The following RSPO3 variants were observed in gnomAD, a reference collection of about 807,000 sequenced individuals.
RSPO3 encodes R-spondin 3.
RSPO3 carries 17 observed loss-of-function variants against 36.5 expected under a neutral mutation model. That is an observed-to-expected ratio of 0.47 (90% CI 0.32 to 0.70). The LOEUF is 0.70. RSPO3 is among the 30% of genes least tolerant of loss of function. The pLI, the probability that RSPO3 is intolerant of heterozygous loss-of-function variation, is 0.04. For synonymous variants in RSPO3, 108 were observed against 107.0 expected, an observed-to-expected ratio of 1.01 and a Z score of -0.06; for missense variants, 294 against 322.5, an observed-to-expected ratio of 0.91 and a Z score of 0.68.
chr6:127,172,104 A>G (rs971746626), intron 4 of RSPO3, among the ~76,000 whole-genome samples: 1 of 142,322 alleles, frequency 7.0e-6, no homozygotes, highest in African/African-American at 2.6e-5. Flanking sequence ...TTAATTCATC[A>G]TATTACATAT....
At chr6:127,174,888 T>C (rs1296136619) in intron 4 of RSPO3, among the ~76,000 whole-genome samples, 28 of 151,836 alleles carry the variant, frequency 1.8e-4, no homozygotes, top group East Asian at 5.9e-4. Flanking sequence ...AAAGAGTGTT[T>C]AGGTTGATGA....
intron 1 of RSPO3, among the ~76,000 whole-genome samples, chr6:127,126,602 A>C (rs1190955636): frequency 6.6e-6 from 1 of 151,992 alleles, no homozygotes; most frequent in Non-Finnish European, 1.5e-5. Context: ...TCATAAGGAG[A>C]CCTGAAAAAC....
At chr6:127,157,792 CTA>C (rs962009316) in intron 4 of RSPO3, among the ~76,000 whole-genome samples, 1 of 151,604 alleles carries the variant, frequency 6.6e-6, no homozygotes, top group Non-Finnish European at 1.5e-5. Context: ...CTTAAGTAGC[CTA>C]TAAACTACAG....
chr6:127,178,935 A>G (rs1775124082), intron 4 of RSPO3, among the ~76,000 whole-genome samples: 3 of 151,876 alleles, frequency 2.0e-5, no homozygotes, highest in Admixed American at 2.0e-4. Context: ...AGGAGAGAAA[A>G]CATGGGAATA....
intron 1 of RSPO3, among the ~76,000 whole-genome samples, chr6:127,129,590 G>C (rs1029471356): frequency 6.6e-6 from 1 of 152,106 alleles, no homozygotes; most frequent in African/African-American, 2.4e-5. Flanking sequence ...TAAGGATGGA[G>C]AGCAATCATG....
intron 4 of RSPO3, among the ~76,000 whole-genome samples, chr6:127,175,219 G>A (rs1435633747): frequency 1.3e-5 from 2 of 151,568 alleles, no homozygotes; most frequent in African/African-American, 2.4e-5. Flanking sequence ...CCTTTTGTCT[G>A]TCTTAAGTTG....
intron 4 of RSPO3, among the ~76,000 whole-genome samples, chr6:127,195,149 A>T (rs937718997): frequency 2.6e-5 from 4 of 152,116 alleles, no homozygotes; most frequent in African/African-American, 7.2e-5. Context: ...GTACCTTAAA[A>T]ATATGAGCCA....
chr6:127,121,347 T>C (rs1470324152), intron 1 of RSPO3, among the ~76,000 whole-genome samples: 1 of 151,898 alleles, frequency 6.6e-6, no homozygotes, highest in African/African-American at 2.4e-5. Flanking sequence ...CCGAGAGGAG[T>C]CAAAAGGCAA....
intron 4 of RSPO3, among the ~76,000 whole-genome samples, chr6:127,170,723 C>G (rs1218960469): frequency 6.6e-6 from 1 of 151,588 alleles, no homozygotes; most frequent in Non-Finnish European, 1.5e-5. Flanking sequence ...TTCTAACTCA[C>G]GCCACAGCAT....
intron 3 of RSPO3, among the ~76,000 whole-genome samples, chr6:127,154,531 A>G (rs2114591230): frequency 6.6e-6 from 1 of 152,306 alleles, no homozygotes; most frequent in Non-Finnish European, 1.5e-5. Context: ...CAGAATTCAC[A>G]TATAATAGAT....
chr6:127,129,828 A>G (rs766867988), intron 1 of RSPO3, among the ~76,000 whole-genome samples: 24 of 152,048 alleles, frequency 1.6e-4, no homozygotes, highest in Non-Finnish European at 2.9e-4. Flanking sequence ...CTGAGTAGAT[A>G]AAGAACTCAA....
chr6:127,144,229 T>C (rs890833795), intron 1 of RSPO3, among the ~76,000 whole-genome samples: 11 of 152,192 alleles, frequency 7.2e-5, no homozygotes, highest in African/African-American at 2.7e-4. Context: ...ATGTGACACA[T>C]TTTTAGTAGA....
chr6:127,124,564 T>G (rs1412446786), intron 1 of RSPO3, among the ~76,000 whole-genome samples: 1 of 40,396 alleles, frequency 2.5e-5, no homozygotes, highest in African/African-American at 1.1e-4. Context: ...ATTGCACAGT[T>G]TTTTTTTTTG....
chr6:127,138,678 A>G (rs924114493), intron 1 of RSPO3, among the ~76,000 whole-genome samples: 1 of 152,160 alleles, frequency 6.6e-6, no homozygotes, highest in Non-Finnish European at 1.5e-5. Flanking sequence ...CTGGTGTTAC[A>G]GATGAGGAAA....
At chr6:127,160,268 G>T (rs975235820) in intron 4 of RSPO3, among the ~76,000 whole-genome samples, 1 of 152,144 alleles carries the variant, frequency 6.6e-6, no homozygotes, top group Non-Finnish European at 1.5e-5. Flanking sequence ...TTTACAATTT[G>T]TATATACTAC....
intron 2 of RSPO3, among the ~76,000 whole-genome samples, chr6:127,149,806 C>A (rs1774454487): frequency 6.6e-6 from 1 of 152,060 alleles, no homozygotes; most frequent in African/African-American, 2.4e-5. Flanking sequence ...ATACCAATGA[C>A]TACCTCATTG....
chr6:127,169,509 C>A (rs1774894758), intron 4 of RSPO3, among the ~76,000 whole-genome samples: 1 of 151,820 alleles, frequency 6.6e-6, no homozygotes, highest in South Asian at 2.1e-4. Flanking sequence ...AGAACTAATT[C>A]TAGATTTCTT....
chr6:127,140,084 A>G (rs1191671998), intron 1 of RSPO3, among the ~76,000 whole-genome samples: 4 of 152,186 alleles, frequency 2.6e-5, no homozygotes, highest in African/African-American at 7.2e-5. Flanking sequence ...AAATTAGTCC[A>G]TAGATTTTTA....
chr6:127,173,796 A>G (rs1774990462), intron 4 of RSPO3, among the ~76,000 whole-genome samples: 1 of 151,874 alleles, frequency 6.6e-6, no homozygotes, highest in Non-Finnish European at 1.5e-5. Flanking sequence ...ATGGAAAAAT[A>G]CATGCTGCTC....
Sources: gnomAD v4.1 joint callset for allele counts (sites outside exome capture counted in the v4.1 genomes callset) on GRCh38, gnomAD v4.1.1 for gene constraint, MANE v1.5 for transcripts, NCBI Gene and HGNC (gene_info 2026-07-23, HGNC 2026-07-21) for gene names.